KCNT2: variants seen among roughly 807,000 people sequenced by gnomAD.
The protein encoded by KCNT2 is potassium sodium-activated channel subfamily T member 2.
A neutral mutation model predicts 153.8 loss-of-function variants in KCNT2; 67 were observed. That is an observed-to-expected ratio of 0.44 (90% CI 0.36 to 0.53). The LOEUF is 0.53. KCNT2 is among the 20% of genes least tolerant of loss of function. KCNT2 has a pLI of 0.00. For missense variants in KCNT2, 975 were observed against 1,354.8 expected (o/e 0.72, Z 4.40); for synonymous variants, 500 against 458.8 (o/e 1.09, Z -1.15).
At chr1:196,504,127 A>G (rs1164911899) in intron 1 of KCNT2, among the ~76,000 whole-genome samples, 1 of 152,122 alleles carries the variant, frequency 6.6e-6, no homozygotes, top group East Asian at 1.9e-4. Context: ...GTACATGTGC[A>G]CAATGTGCAG....
In KCNT2 at chr1:196,303,702, A is replaced by G. The variant is rs146728477; in HGVS notation, c.2595+1532T>C. 5.8e-3 allele frequency among the ~76,000 whole-genome samples: 884 copies of G among 152,196 alleles called. 10 individuals carry two copies. Among genetic ancestry groups the G allele is most frequent in the African/African-American group, 0.02 (833 of 41,538 alleles). On this transcript the variant is annotated intron_variant, in intron 22 of 27. Coordinates refer to ENST00000294725, the MANE Select transcript of KCNT2 (RefSeq NM_198503.5). Reference sequence around the variant, plus strand: ...CCTACTATTTAAAATAGCTCCTACCACTATTTTCCACATAAGAATCCCAAG... The same window carrying G: ...CCTACTATTTAAAATAGCTCCTACCGCTATTTTCCACATAAGAATCCCAAG...
chr1:196,528,412 A>C (rs1654528368), intron 1 of KCNT2, among the ~76,000 whole-genome samples: 1 of 152,146 alleles, frequency 6.6e-6, no homozygotes. Context: ...TGAAAAAATA[A>C]ATTATGTGAT....
At chr1:196,382,031 C>T (rs1313201275) in intron 13 of KCNT2, among the ~76,000 whole-genome samples, 1 of 151,878 alleles carries the variant, frequency 6.6e-6, no homozygotes, top group Non-Finnish European at 1.5e-5. Flanking sequence ...GATACTTTGC[C>T]TGCTCTGAGG....
intron 8 of KCNT2, among the ~76,000 whole-genome samples, chr1:196,452,153 A>G (rs1039637505): frequency 6.6e-6 from 1 of 151,956 alleles, no homozygotes; most frequent in Admixed American, 6.6e-5. Flanking sequence ...GTGCACGACT[A>G]AAGTCATGCC....
At chr1:196,528,418 G>A (rs1000737405) in intron 1 of KCNT2, among the ~76,000 whole-genome samples, 6 of 152,102 alleles carry the variant, frequency 3.9e-5, no homozygotes, top group Non-Finnish European at 8.8e-5. Context: ...AATAAATTAT[G>A]TGATTCCTTT....
chr1:196,359,913 TAGACAGCCTTAA>T (rs1558193018), intron 14 of KCNT2, among the ~76,000 whole-genome samples: 1 of 151,984 alleles, frequency 6.6e-6, no homozygotes, highest in African/African-American at 2.4e-5. Flanking sequence ...TACTAGAGCA[TAGACAGCCTTAA>T]AGAATTAAGG....
intron 13 of KCNT2, among the ~76,000 whole-genome samples, chr1:196,374,111 C>A (rs1246315773): frequency 1.3e-5 from 2 of 151,710 alleles, no homozygotes; most frequent in East Asian, 3.9e-4. Context: ...AAAACAAAAA[C>A]CTGTTTTCCC....
chr1:196,377,102 G>T (rs1669032927), intron 13 of KCNT2, among the ~76,000 whole-genome samples: 1 of 151,970 alleles, frequency 6.6e-6, no homozygotes, highest in Non-Finnish European at 1.5e-5. Context: ...ACAGAGGAGT[G>T]ACGTTTATTG....
chr1:196,307,846 G>A (rs913611605), intron 21 of KCNT2, among the ~76,000 whole-genome samples: 5 of 151,934 alleles, frequency 3.3e-5, no homozygotes, highest in African/African-American at 1.2e-4. Context: ...TTGACTTTTG[G>A]CTGGCAAACT....
intron 6 of KCNT2, 122 bp from the exon 7 acceptor site, chr1:196,467,908 A>G: frequency 2.0e-6 from 1 of 493,070 alleles, no homozygotes; most frequent in East Asian, 3.0e-5. Context: ...AATATGACAA[A>G]TAATGTAAAC....
intron 1 of KCNT2, among the ~76,000 whole-genome samples, chr1:196,581,160 A>G (rs1661992072): frequency 6.6e-6 from 1 of 152,066 alleles, no homozygotes; most frequent in African/African-American, 2.4e-5. Flanking sequence ...ACCTTTCTGT[A>G]CCACATAGGC....
intron 27 of KCNT2, among the ~76,000 whole-genome samples, chr1:196,234,560 C>T (rs937858350): frequency 6.6e-6 from 1 of 151,140 alleles, no homozygotes; most frequent in Non-Finnish European, 1.5e-5. Flanking sequence ...TCATATTCAC[C>T]CCAACCCTAA....
intron 14 of KCNT2, among the ~76,000 whole-genome samples, chr1:196,365,850 T>C (rs1457034791): frequency 6.6e-6 from 1 of 152,214 alleles, no homozygotes; most frequent in Non-Finnish European, 1.5e-5. Context: ...CTCTTACTTG[T>C]ATAGATTCTG....
intron 1 of KCNT2, among the ~76,000 whole-genome samples, chr1:196,550,353 T>C (rs1256740797): frequency 2.0e-5 from 3 of 151,916 alleles, no homozygotes; most frequent in African/African-American, 7.2e-5. Context: ...CTTAACTGTT[T>C]TGCTTCAAGC....
In KCNT2 at chr1:196,258,482, T is replaced by C. The variant is rs1301671475; in HGVS notation, c.2923A>G (p.Ile975Val). The change falls in exon 26 of 28, where the codon ATC becomes GTC. Residue 975 changes from isoleucine (I) to valine (V), a missense_variant. Coordinates refer to ENST00000294725, the MANE Select transcript of KCNT2 (RefSeq NM_198503.5). ...KLTTSESQIS[I>V]SVEEWEDTKD... ...GTGTCTTCCCACTCTTCTACACTGATAGATATTTGAGACTTTAAAGGAAAT... is the reference window on the plus strand; with the variant it reads ...GTGTCTTCCCACTCTTCTACACTGACAGATATTTGAGACTTTAAAGGAAAT... 2 of 1,576,768 alleles carry C rather than the reference T, an allele frequency of 1.3e-6. No individual in the cohort carries two copies. The highest frequency in any genetic ancestry group is 1.7e-6 in the Non-Finnish European group (2 of 1,151,508).
intron 19 of KCNT2, among the ~76,000 whole-genome samples, chr1:196,325,218 C>A (rs1341149354): frequency 6.6e-6 from 1 of 152,064 alleles, no homozygotes; most frequent in Non-Finnish European, 1.5e-5. Flanking sequence ...ACAGTTTTGT[C>A]CTTAGTCCTA....
At chr1:196,451,527 A>G (rs1676203090) in intron 8 of KCNT2, among the ~76,000 whole-genome samples, 1 of 147,888 alleles carries the variant, frequency 6.8e-6, no homozygotes, top group African/African-American at 2.5e-5. Flanking sequence ...CTAGGATTAC[A>G]GGCATGAGCC....
At chr1:196,364,379 C>T (rs1667872828) in intron 14 of KCNT2, among the ~76,000 whole-genome samples, 1 of 152,040 alleles carries the variant, frequency 6.6e-6, no homozygotes, top group Non-Finnish European at 1.5e-5. Context: ...AACACCCATC[C>T]AAAAACAATA....
chr1:196,372,054 G>A (rs1051026501), intron 14 of KCNT2, among the ~76,000 whole-genome samples: 2 of 152,026 alleles, frequency 1.3e-5, no homozygotes, highest in African/African-American at 4.8e-5. Flanking sequence ...CTGCAAAGAA[G>A]ATAAACGTCA....
Sources: allele counts gnomAD v4.1 joint callset (sites outside exome capture counted in the v4.1 genomes callset), GRCh38; gene constraint gnomAD v4.1.1; transcripts MANE v1.5; gene names NCBI Gene and HGNC (gene_info 2026-07-23, HGNC 2026-07-21).